Variants in DAPK1 observed in about 807,000 individuals in gnomAD.
DAPK1 encodes death-associated protein kinase 1.
DAPK1 carries 56 observed loss-of-function variants against 144.9 expected under a neutral mutation model. The ratio of observed to expected loss-of-function variants is 0.39; its 90% CI spans 0.31 to 0.48. The LOEUF (loss-of-function observed/expected upper bound fraction) is 0.48, where lower values mean the gene tolerates loss of function less well. Among genes scored for constraint, DAPK1 ranks in the 20% least tolerant of loss-of-function variants. The pLI, the probability that DAPK1 is intolerant of heterozygous loss-of-function variation, is 0.95. For synonymous variants in DAPK1, 690 were observed against 749.0 expected (o/e 0.92, Z 1.29); for missense variants, 1,454 against 1,875.4 (o/e 0.78, Z 4.15).
chr9:87,498,551 C>T lies in DAPK1; in HGVS notation c.-108-419C>T, dbSNP rs573512853. On this transcript the variant is annotated intron_variant, in intron 1 of 25. Coordinates refer to ENST00000408954, the MANE Select transcript of DAPK1 (RefSeq NM_004938.4). ...CCGAGAGGTGGCGCGGGGGTGCCAC[C>T]GTTGCCGCAGGCTGGAGAGAGATTG... The T allele has an allele frequency of 8.4e-4, 204 of 242,382 alleles. 2 individuals are homozygous for T. The Middle Eastern group carries it at 0.018, about 21-fold the overall frequency. The allele number at this position is 242,382 out of a possible 1,614,324, so 15.0% of individuals were successfully genotyped here. A position where few individuals can be genotyped will look rare whatever the true frequency, so the allele number is the denominator to read the frequency against.
chr9:87,544,416 A>C (rs62562130), intron 2 of DAPK1, among the ~76,000 whole-genome samples: 19,142 of 152,224 alleles, frequency 0.13, 1,467 homozygotes, highest in East Asian at 0.33. Flanking sequence ...ACAGGGAAAA[A>C]TGTTATAGAT....
At position 87,707,919 on chromosome 9, in the gene DAPK1, T is replaced by G. The variant is rs2118144392; in HGVS notation, c.*555T>G. 2.2e-6 allele frequency: 1 copy of G among 455,494 alleles called. No homozygotes were observed. Among genetic ancestry groups the G allele is most frequent in the East Asian group, 7.0e-5 (1 of 14,378 alleles). 28.2% of individuals were successfully genotyped at this position (455,494 alleles called of 1,614,324 possible). On this transcript the variant is annotated 3_prime_UTR_variant, in exon 26 of 26. Transcript: ENST00000408954. The surrounding 1 kb of genome is among the most constrained non-coding windows in gnomAD (Gnocchi z 4.0). ...TGCCTTTTGCAGAAGAGGGTGTGTT[T>G]GAAATCATCGGAGTCAGCCAGGAGC...
At chr9:87,575,213 C>CAATAAAATAA (rs10522915) in intron 2 of DAPK1, among the ~76,000 whole-genome samples, 10,857 of 131,162 alleles carry the variant, frequency 0.083, 591 homozygotes, top group Non-Finnish European at 0.12. Context: ...GACTCCATCT[C>CAATAAAATAA]AATAAAATAA....
chr9:87,637,966 A>T lies in DAPK1; in HGVS notation c.308A>T (p.Asp103Val). The change falls in exon 4 of 26, where the codon GAC becomes GTC. Residue 103 changes from aspartate to valine, a missense_variant. Asp to Val is a radical substitution (Grantham distance 152, BLOSUM62 -3). Around this residue, in one of 2 missense-constraint regions of DAPK1, gnomAD observed 429 missense variants for 637.5 expected, o/e 0.67. Coordinates refer to ENST00000408954, the MANE Select transcript of DAPK1 (RefSeq NM_004938.4). ...LELVAGGELF[D>V]FLAEKESLTE... ...AGCGTTGCAGGTGGCGAGCTGTTTG[A>T]CTTCTTAGCTGAAAAGGAATCTTTA... The T allele has an allele frequency of 6.2e-7, 1 of 1,614,070 alleles. No individual in the cohort carries two copies.
At chr9:87,609,562 A>G (rs1390733373) in intron 3 of DAPK1, among the ~76,000 whole-genome samples, 1 of 152,206 alleles carries the variant, frequency 6.6e-6, no homozygotes, top group Non-Finnish European at 1.5e-5. Flanking sequence ...GAAAATATTA[A>G]ATCTGTCCAG....
chr9:87,510,512 C>T (rs1824794792), intron 2 of DAPK1, among the ~76,000 whole-genome samples: 1 of 152,226 alleles, frequency 6.6e-6, no homozygotes, highest in Non-Finnish European at 1.5e-5. Context: ...GGCTCCTGCT[C>T]TGATTTCCTG....
chr9:87,632,110 G>A (rs1489958311), intron 3 of DAPK1: 2 of 581,428 alleles, frequency 3.4e-6, no homozygotes, highest in Non-Finnish European at 4.3e-6. Context: ...ATATATATAT[G>A]TATGTGTGTG....
intron 2 of DAPK1, among the ~76,000 whole-genome samples, chr9:87,541,390 A>G (rs1224314483): frequency 6.6e-6 from 1 of 152,108 alleles, no homozygotes; most frequent in Non-Finnish European, 1.5e-5. Flanking sequence ...TCTACTGAAA[A>G]TACAAAAAAT....
intron 2 of DAPK1, among the ~76,000 whole-genome samples, chr9:87,600,089 A>G (rs1349659467): frequency 3.3e-5 from 5 of 152,192 alleles, no homozygotes; most frequent in African/African-American, 1.2e-4. Flanking sequence ...GAAATTACCA[A>G]TAAAAAACAT....
chr9:87,582,061 G>A (rs1827769864), intron 2 of DAPK1, among the ~76,000 whole-genome samples: 1 of 152,058 alleles, frequency 6.6e-6, no homozygotes, highest in Non-Finnish European at 1.5e-5. Flanking sequence ...TCAACTTTAT[G>A]TTTTTTAACA....
chr9:87,667,721 A>C lies in DAPK1; in HGVS notation c.1924-876A>C, dbSNP rs545168522. 1.4e-3 allele frequency: 207 copies of C among 151,916 alleles called. 1 individual carries two copies. Among genetic ancestry groups the C allele is most frequent in the African/African-American group, 4.8e-3 (200 of 41,416 alleles). The allele number at this position is 151,916 out of a possible 1,614,324, so 9.4% of individuals were successfully genotyped here. On this transcript the variant is annotated intron_variant, in intron 18 of 25. Transcript: ENST00000408954. Reference sequence around the variant, plus strand: ...ATCCTTACTTTTTTATTAAAAAAAAACATTCATTTTCATTTTTTTAAATTG... The same window carrying C: ...ATCCTTACTTTTTTATTAAAAAAAACCATTCATTTTCATTTTTTTAAATTG...
At chr9:87,525,201 C>G (rs1825448621) in intron 2 of DAPK1, 1 of 826,892 alleles carries the variant, frequency 1.2e-6, no homozygotes, top group African/African-American at 1.7e-5. Flanking sequence ...AGTACCAGAA[C>G]TTTCTGCGTC....
chr9:87,524,459 T>C (rs902728607), intron 2 of DAPK1, among the ~76,000 whole-genome samples: 1 of 152,202 alleles, frequency 6.6e-6, no homozygotes, highest in African/African-American at 2.4e-5. Context: ...AAGCACACGC[T>C]TGAGCCCTTG....
intron 24 of DAPK1, chr9:87,701,875 C>G (rs1383634408): frequency 4.3e-6 from 2 of 470,474 alleles, no homozygotes; most frequent in Non-Finnish European, 8.8e-6. Context: ...CGTTGGGGTC[C>G]CACTGTGGCA....
chr9:87,703,357 G>T, intron 25 of DAPK1, 140 bp downstream of exon 25: 1 of 603,032 alleles, frequency 1.7e-6, no homozygotes, highest in South Asian at 2.0e-5. Flanking sequence ...ATTTCCACAC[G>T]TGTGACAAAC....
chr9:87,650,604 G>A, intron 16 of DAPK1: 2 of 187,412 alleles, frequency 1.1e-5, no homozygotes, highest in Admixed American at 5.4e-5. Flanking sequence ...ATTGTGATCT[G>A]TACTTAAAAC....
intron 18 of DAPK1, among the ~76,000 whole-genome samples, chr9:87,664,053 C>A (rs376588521): frequency 7.2e-5 from 11 of 152,048 alleles, no homozygotes; most frequent in Non-Finnish European, 1.6e-4. Flanking sequence ...TGCACTGTAG[C>A]CTCCTGCCCC....
intron 19 of DAPK1, among the ~76,000 whole-genome samples, chr9:87,670,508 C>G (rs1038341183): frequency 6.6e-6 from 1 of 152,294 alleles, no homozygotes; most frequent in African/African-American, 2.4e-5. Context: ...TTCGACAGGC[C>G]TCATAGCTTT....
intron 2 of DAPK1, among the ~76,000 whole-genome samples, chr9:87,504,295 G>A (rs1477337108): frequency 6.6e-6 from 1 of 152,244 alleles, no homozygotes; most frequent in Non-Finnish European, 1.5e-5. Context: ...TTTTAAAAGT[G>A]TGTACATTTT....
Sources: allele counts gnomAD v4.1 joint callset (sites outside exome capture counted in the v4.1 genomes callset), GRCh38; gene constraint gnomAD v4.1.1; regional missense constraint gnomAD v4.1.1; non-coding constraint Gnocchi (gnomAD v3.1); transcripts MANE v1.5; gene names NCBI Gene and HGNC (gene_info 2026-07-23, HGNC 2026-07-21).